DNAH3: variants seen among roughly 807,000 people sequenced by gnomAD.
The protein encoded by DNAH3 is dynein axonemal heavy chain 3.
In DNAH3, 332 loss-of-function variants were observed where a neutral mutation model predicts 432.5. The observed-to-expected ratio is 0.77, with a 90% CI of 0.70 to 0.84. The LOEUF (loss-of-function observed/expected upper bound fraction) is 0.84, where lower values mean the gene tolerates loss of function less well. Among genes scored for constraint, DNAH3 ranks in the 40% least tolerant of loss-of-function variants. The pLI is 0.00. For missense variants in DNAH3, 4,861 were observed against 5,114.0 expected, an observed-to-expected ratio of 0.95 and a Z score of 1.51; for synonymous variants, 1,956 against 1,900.2, an observed-to-expected ratio of 1.03 and a Z score of -0.76.
chr16:20,954,988 G>C (rs1314946862), exon 55 of DNAH3: 1 of 1,614,086 alleles, frequency 6.2e-7, no homozygotes, highest in Non-Finnish European at 8.5e-7. Context: ...GGGGCTCATT[G>C]GTCATTTTGA....
rs187642407 is a variant in DNAH3, at chr16:21,153,947, A to G, written c.117+5378T>C. Among the ~76,000 whole-genome samples the G allele has an allele frequency of 3.3e-5, 5 of 152,286 alleles. No individual in the cohort carries two copies. The East Asian group carries it at 9.7e-4, about 29-fold the overall frequency. ...CATCTCTTATATTATGCTCTTTATC[A>G]CAAAGTATACATACGGTTTCAAATA... On this transcript the variant is annotated intron_variant, in intron 1 of 61. Coordinates refer to ENST00000261383, the Ensembl canonical transcript of DNAH3.
intron 31 of DNAH3, among the ~76,000 whole-genome samples, chr16:21,045,177 T>A (rs1350725748): frequency 6.6e-6 from 1 of 150,714 alleles, no homozygotes; most frequent in African/African-American, 2.4e-5. Flanking sequence ...ATCAGAATGA[T>A]GCTGGCCTCA....
At chr16:21,005,054 T>C (rs1250335856) in intron 41 of DNAH3, among the ~76,000 whole-genome samples, 1 of 152,232 alleles carries the variant, frequency 6.6e-6, no homozygotes, top group Non-Finnish European at 1.5e-5. Flanking sequence ...ATAGATTCAA[T>C]GCTCAGGGCT....
intron 24 of DNAH3, among the ~76,000 whole-genome samples, chr16:21,066,866 A>C (rs2090570496): frequency 6.6e-6 from 1 of 152,242 alleles, no homozygotes; most frequent in Non-Finnish European, 1.5e-5. Context: ...GTGTACAACA[A>C]ATACATGAAG....
chr16:21,153,566 CTTCTACAACGTGGAAGGTTTG>C (rs1216803390), intron 1 of DNAH3, among the ~76,000 whole-genome samples: 2 of 152,180 alleles, frequency 1.3e-5, no homozygotes, highest in Non-Finnish European at 2.9e-5. Flanking sequence ...GCTTGATCCC[CTTCTACAACGTGGAAGGTTTG>C]TTCTTTCACT....
rs752950422 is a variant in DNAH3, at chr16:21,020,375, CTA to C, written c.5777-508_5777-507del. 5.1e-3 allele frequency among the ~76,000 whole-genome samples: 167 copies of C among 32,954 alleles called. 5 individuals are homozygous for C. The highest frequency in any genetic ancestry group is 0.012 in the African/African-American group (69 of 5,794). 21.6% of individuals were successfully genotyped at this position (32,954 alleles called of 152,430 possible). A position where few individuals can be genotyped will look rare whatever the true frequency, so the allele number is the denominator to read the frequency against. On this transcript the variant is annotated intron_variant, in intron 40 of 61. Coordinates refer to ENST00000261383, the Ensembl canonical transcript of DNAH3. ...ATATATATATATATATATAAAATCACTATATATATATATATATATATATTTTT... is the reference window on the plus strand; with the variant it reads ...ATATATATATATATATATAAAATCACTATATATATATATATATATATTTTT...
rs746116786 is a variant in DNAH3, at chr16:20,951,444, CT to C, written c.11188+988del. Among the ~76,000 whole-genome samples, 401 of 143,990 alleles carry C rather than the reference CT, an allele frequency of 2.8e-3. 1 individual carries two copies. The highest frequency in any genetic ancestry group is 4.1e-3 in the Admixed American group (58 of 14,276). 94.5% of individuals were successfully genotyped at this position (143,990 alleles called of 152,430 possible). A position where few individuals can be genotyped will look rare whatever the true frequency, so the allele number is the denominator to read the frequency against. ...CTTGTTGAACTTATTACTATGTTAC[CT>C]TTTTTTTTTTTTCTTCTGAGACAGG... is the stretch of plus-strand genomic sequence containing the variant. On this transcript the variant is annotated intron_variant, in intron 56 of 61. Coordinates refer to ENST00000261383, the Ensembl canonical transcript of DNAH3.
chr16:21,053,304 A>G (rs1386800530), intron 28 of DNAH3, among the ~76,000 whole-genome samples: 1 of 152,172 alleles, frequency 6.6e-6, no homozygotes, highest in Admixed American at 6.5e-5. Flanking sequence ...CTCTTGGGTG[A>G]ATATATAGGG....
chr16:21,069,487 T>C (rs771599112), exon 23 of DNAH3: 2 of 1,614,060 alleles, frequency 1.2e-6, no homozygotes, highest in Admixed American at 3.3e-5. Flanking sequence ...GCATCTGGGC[T>C]ATGATGTCCT....
intron 37 of DNAH3, among the ~76,000 whole-genome samples, chr16:21,029,024 A>T (rs1228010676): frequency 6.6e-6 from 1 of 152,220 alleles, no homozygotes; most frequent in Non-Finnish European, 1.5e-5. Context: ...TCTGAATATA[A>T]AGAAAGCTAA....
chr16:21,146,724 C>T (rs1265842151), intron 1 of DNAH3, among the ~76,000 whole-genome samples: 1 of 151,722 alleles, frequency 6.6e-6, no homozygotes, highest in Non-Finnish European at 1.5e-5. Flanking sequence ...ATCCTATGAC[C>T]ATCTCCCCAA....
chr16:21,087,346 G>C (rs2152780373), intron 18 of DNAH3, among the ~76,000 whole-genome samples: 1 of 152,280 alleles, frequency 6.6e-6, no homozygotes, highest in East Asian at 1.9e-4. Flanking sequence ...ATAATGCCTG[G>C]CATATAATGG....
intron 37 of DNAH3, among the ~76,000 whole-genome samples, chr16:21,028,506 C>CAA (rs796929596): frequency 7.5e-5 from 6 of 80,164 alleles, no homozygotes; most frequent in South Asian, 3.7e-4. Flanking sequence ...ACTAAAAGTA[C>CAA]AAAAAAAAAA....
intron 1 of DNAH3, among the ~76,000 whole-genome samples, chr16:21,155,399 G>A (rs912608352): frequency 6.6e-6 from 1 of 151,924 alleles, no homozygotes; most frequent in Non-Finnish European, 1.5e-5. Flanking sequence ...CGAGGCAGGC[G>A]GATCACAAAG....
At chr16:21,022,024 G>A in exon 40 of DNAH3, 1 of 1,614,042 alleles carries the variant, frequency 6.2e-7, no homozygotes, top group Non-Finnish European at 8.5e-7. Flanking sequence ...GATGGGAGAT[G>A]TCTGGACAAC....
intron 41 of DNAH3, among the ~76,000 whole-genome samples, chr16:21,006,240 G>C (rs2087298524): frequency 6.6e-6 from 1 of 152,048 alleles, no homozygotes; most frequent in African/African-American, 2.4e-5. Context: ...TCACTTATTA[G>C]ATCATTAATG....
At chr16:20,990,273 T>C (rs1332848845) in intron 44 of DNAH3, among the ~76,000 whole-genome samples, 1 of 152,380 alleles carries the variant, frequency 6.6e-6, no homozygotes, top group Non-Finnish European at 1.5e-5. Context: ...ATATCATCTA[T>C]CTGTCTAATC....
chr16:20,947,968 G>T (rs942954022), intron 57 of DNAH3, among the ~76,000 whole-genome samples: 1 of 151,984 alleles, frequency 6.6e-6, no homozygotes, highest in African/African-American at 2.4e-5. Flanking sequence ...AAGAGATGGG[G>T]TTTCACCATG....
intron 20 of DNAH3, among the ~76,000 whole-genome samples, chr16:21,076,718 T>C (rs2090989453): frequency 6.6e-6 from 1 of 152,180 alleles, no homozygotes; most frequent in Non-Finnish European, 1.5e-5. Flanking sequence ...TCCTTTTTTT[T>C]CATATTGTTC....
Sources: gnomAD v4.1 joint callset for allele counts (sites outside exome capture counted in the v4.1 genomes callset) on GRCh38, gnomAD v4.1.1 for gene constraint, MANE v1.5 for transcripts, NCBI Gene and HGNC (gene_info 2026-07-23, HGNC 2026-07-21) for gene names.